SCEL: variants seen among roughly 807,000 people sequenced by gnomAD.
The protein encoded by SCEL is sciellin.
SCEL carries 113 observed loss-of-function variants against 117.6 expected under a neutral mutation model. That is an observed-to-expected ratio of 0.96 (90% CI 0.83 to 1.12). SCEL has a LOEUF of 1.12. SCEL is among the 50% of genes most tolerant of loss of function. The pLI, the probability that SCEL is intolerant of heterozygous loss-of-function variation, is 0.00. For synonymous variants in SCEL, 270 were observed against 256.2 expected (o/e 1.05, Z -0.51); for missense variants, 785 against 810.8 (o/e 0.97, Z 0.39).
intron 27 of SCEL, among the ~76,000 whole-genome samples, chr13:77,619,275 G>A (rs1440031542): frequency 6.6e-6 from 1 of 152,062 alleles, no homozygotes; most frequent in Admixed American, 6.6e-5. Context: ...TACTTCTTCA[G>A]CACCCAGGAT....
intron 30 of SCEL, among the ~76,000 whole-genome samples, chr13:77,638,163 A>AT (rs1238472786): frequency 3.9e-5 from 6 of 152,122 alleles, no homozygotes; most frequent in South Asian, 2.1e-4. Context: ...TACTCAGTAA[A>AT]TTTTTTTTAA....
chr13:77,582,990 G>A (rs1204336312), intron 9 of SCEL, among the ~76,000 whole-genome samples: 1 of 152,132 alleles, frequency 6.6e-6, no homozygotes, highest in Admixed American at 6.5e-5. Flanking sequence ...TATGACTTAA[G>A]CAATACTTAA....
intron 9 of SCEL, among the ~76,000 whole-genome samples, chr13:77,585,814 T>C (rs1463718211): frequency 6.6e-6 from 1 of 152,132 alleles, no homozygotes; most frequent in African/African-American, 2.4e-5. Context: ...TCATTTGTCA[T>C]TGCCAAAATC....
intron 1 of SCEL, among the ~76,000 whole-genome samples, chr13:77,547,102 T>C (rs558440557): frequency 2.6e-5 from 4 of 152,308 alleles, no homozygotes; most frequent in Admixed American, 6.5e-5. Flanking sequence ...AATCATTGTC[T>C]GCCATGAGTC....
chr13:77,547,765 A>G (rs1340907080), intron 1 of SCEL, among the ~76,000 whole-genome samples: 1 of 152,200 alleles, frequency 6.6e-6, no homozygotes, highest in East Asian at 1.9e-4. Flanking sequence ...TATTCTCCAG[A>G]AGGCCTGGTT....
At chr13:77,545,589 A>C (rs1190653331) in intron 1 of SCEL, among the ~76,000 whole-genome samples, 2 of 152,250 alleles carry the variant, frequency 1.3e-5, no homozygotes, top group Non-Finnish European at 2.9e-5. Context: ...CTACTGCAGT[A>C]AAATGTCTGC....
rs543637292 is a variant in SCEL at position 77,642,688 on chromosome 13, A to G, written c.1948-18A>G. 8.7e-6 allele frequency: 12 copies of G among 1,380,000 alleles called. No individual in the cohort carries two copies. The East Asian group carries it at 1.4e-4, about 16-fold the overall frequency. The allele number at this position is 1,380,000 out of a possible 1,614,324, so 85.5% of individuals were successfully genotyped here. On this transcript the variant is annotated intron_variant, in intron 31 of 32. Coordinates refer to ENST00000349847, the MANE Select transcript of SCEL (RefSeq NM_144777.3). ...TTCATTTACAATGGAAACTTTATAT[A>G]TGTATTTTTTTCTTTAGTGTGAAAT...
chr13:77,633,454 A>ACAAAAACAAAAAC (rs1318717923), intron 28 of SCEL, among the ~76,000 whole-genome samples: 2 of 143,756 alleles, frequency 1.4e-5, no homozygotes, highest in Non-Finnish European at 1.5e-5. Context: ...AAAAAAAAAA[A>ACAAAAACAAAAAC]AAAAAAAAAA....
chr13:77,544,729 A>G (rs556494660), intron 1 of SCEL, among the ~76,000 whole-genome samples: 8 of 152,324 alleles, frequency 5.3e-5, no homozygotes, highest in Admixed American at 5.2e-4. Flanking sequence ...GAGTAAGGGC[A>G]TGGGGAGATG....
At chr13:77,623,790 A>G (rs1203775320) in intron 27 of SCEL, among the ~76,000 whole-genome samples, 1 of 152,198 alleles carries the variant, frequency 6.6e-6, no homozygotes, top group African/African-American at 2.4e-5. Flanking sequence ...ATTATGCAGT[A>G]TCTATAGCAG....
chr13:77,571,491 C>A (rs1464670647), intron 8 of SCEL, among the ~76,000 whole-genome samples: 1 of 151,924 alleles, frequency 6.6e-6, no homozygotes. Flanking sequence ...GAGTTCGAGA[C>A]CAGCCTGACC....
intron 12 of SCEL, among the ~76,000 whole-genome samples, chr13:77,593,969 C>T (rs1294482975): frequency 6.6e-6 from 1 of 151,312 alleles, no homozygotes; most frequent in East Asian, 2.0e-4. Context: ...TTCTTGAATT[C>T]CTGCAGACTC....
chr13:77,604,479 G>A, intron 19 of SCEL, 64 bp downstream of exon 19: 1 of 1,328,886 alleles, frequency 7.5e-7, no homozygotes, highest in Non-Finnish European at 1.0e-6. Context: ...AGAATTCTGA[G>A]TGTTGGTATT....
chr13:77,576,654 C>T (rs1397130887), intron 9 of SCEL, among the ~76,000 whole-genome samples: 1 of 152,210 alleles, frequency 6.6e-6, no homozygotes, highest in African/African-American at 2.4e-5. Flanking sequence ...TTCATCCTAA[C>T]CTGGTCCCCC....
intron 22 of SCEL, among the ~76,000 whole-genome samples, chr13:77,612,597 T>C (rs1011139088): frequency 1.3e-5 from 2 of 151,416 alleles, no homozygotes; most frequent in Non-Finnish European, 2.9e-5. Flanking sequence ...GAAAATATTA[T>C]AAATGGTTTA....
At chr13:77,555,508 C>A (rs140119142) in intron 1 of SCEL, among the ~76,000 whole-genome samples, 121 of 152,308 alleles carry the variant, frequency 7.9e-4, no homozygotes, top group African/African-American at 2.8e-3. Flanking sequence ...TTGTCTAACT[C>A]ATTTTTCTGT....
intron 30 of SCEL, 53 bp downstream of exon 30, chr13:77,637,247 C>G (rs930302703): frequency 8.4e-6 from 5 of 597,310 alleles, no homozygotes; most frequent in Non-Finnish European, 1.4e-5. Flanking sequence ...CAGACACACA[C>G]ACACATATAT....
At chr13:77,596,747 A>G in intron 12 of SCEL, among the ~76,000 whole-genome samples, 1 of 150,254 alleles carries the variant, frequency 6.7e-6, no homozygotes, top group Non-Finnish European at 1.5e-5. Flanking sequence ...CATGAATAGA[A>G]AAGTTGGAGA....
At chr13:77,575,204 T>C (rs2085871026) in intron 9 of SCEL, among the ~76,000 whole-genome samples, 2 of 152,200 alleles carry the variant, frequency 1.3e-5, no homozygotes, top group Admixed American at 6.5e-5. Flanking sequence ...TGTGTTTTGA[T>C]TAAAATCTAT....
Sources: allele counts gnomAD v4.1 joint callset (sites outside exome capture counted in the v4.1 genomes callset), GRCh38; gene constraint gnomAD v4.1.1; transcripts MANE v1.5; gene names NCBI Gene and HGNC (gene_info 2026-07-23, HGNC 2026-07-21).